Variants in ERAP1 observed in about 807,000 individuals in gnomAD.
The protein encoded by ERAP1 is endoplasmic reticulum aminopeptidase 1.
ERAP1 carries 86 observed loss-of-function variants against 103.7 expected under a neutral mutation model. The observed-to-expected ratio is 0.83, with a 90% CI of 0.70 to 0.99. ERAP1 has a LOEUF of 0.99. Among genes scored for constraint, ERAP1 ranks in the 50% least tolerant of loss-of-function variants. The probability of loss-of-function intolerance (pLI) is 0.00; values close to 1 mark genes in which losing one functional copy is unlikely to be tolerated. For missense variants in ERAP1, 1,009 were observed against 1,128.4 expected, an observed-to-expected ratio of 0.89 and a Z score of 1.52; for synonymous variants, 398 against 402.4, an observed-to-expected ratio of 0.99 and a Z score of 0.13.
chr5:96,851,807 A>G, the ERAP1 span, among the ~76,000 whole-genome samples: 2 of 152,174 alleles, frequency 1.3e-5, no homozygotes, highest in African/African-American at 2.4e-5. Context: ...GTATGCCGGC[A>G]CCAGAAGCAC....
At chr5:96,914,787 A>G in the ERAP1 span, among the ~76,000 whole-genome samples, 1 of 152,186 alleles carries the variant, frequency 6.6e-6, no homozygotes, top group Non-Finnish European at 1.5e-5. Flanking sequence ...CCCACTAAAC[A>G]CAATGTTTAA....
chr5:96,788,491 T>A, intron 11 of ERAP1, 40 bp downstream of exon 11: 1 of 1,611,414 alleles, frequency 6.2e-7, no homozygotes, highest in Non-Finnish European at 8.5e-7. Context: ...AGGCAGATGT[T>A]ACCTAGACAA....
At chr5:96,806,732 T>C (rs1042286467) in intron 1 of ERAP1, among the ~76,000 whole-genome samples, 8 of 151,424 alleles carry the variant, frequency 5.3e-5, no homozygotes, top group Non-Finnish European at 1.0e-4. Flanking sequence ...CTTCCTTTTA[T>C]TGGGGCACTA....
the ERAP1 span, among the ~76,000 whole-genome samples, chr5:96,872,517 T>G: frequency 6.6e-6 from 1 of 152,282 alleles, no homozygotes; most frequent in South Asian, 2.1e-4. Flanking sequence ...GAGAATCGCT[T>G]GAGCCCAGGA....
chr5:96,864,977 A>C, the ERAP1 span, among the ~76,000 whole-genome samples: 1 of 152,186 alleles, frequency 6.6e-6, no homozygotes, highest in Non-Finnish European at 1.5e-5. Flanking sequence ...AGAGAGCTAA[A>C]AACTTCAAAA....
At chr5:96,935,817 C>T in the ERAP1 span, 3 of 329,502 alleles carry the variant, frequency 9.1e-6, no homozygotes, top group East Asian at 5.8e-5. Context: ...AGTGACTGAA[C>T]ACCGTTCCCG....
At chr5:96,933,566 T>C in the ERAP1 span, among the ~76,000 whole-genome samples, 1 of 152,214 alleles carries the variant, frequency 6.6e-6, no homozygotes, top group Non-Finnish European at 1.5e-5. Context: ...CTAGTGCATT[T>C]TTTTTTATCA....
the ERAP1 span, chr5:96,822,859 C>T: frequency 3.4e-6 from 1 of 296,994 alleles, no homozygotes; most frequent in Non-Finnish European, 6.7e-6. Flanking sequence ...GCCTTGAGTC[C>T]AGGCACAGTT....
intron 5 of ERAP1, 98 bp downstream of exon 5, chr5:96,794,944 G>T: frequency 6.9e-7 from 1 of 1,446,884 alleles, no homozygotes; most frequent in Non-Finnish European, 9.4e-7. Context: ...GTGGCTTGAG[G>T]GGCTGCTGAG....
chr5:96,876,677 AT>A, the ERAP1 span: 1 of 152,476 alleles, frequency 6.6e-6, no homozygotes, highest in Non-Finnish European at 1.5e-5. Context: ...GCGCGGCTGT[AT>A]TAGAAAGTGT....
the ERAP1 span, among the ~76,000 whole-genome samples, chr5:96,902,111 A>G: frequency 6.6e-6 from 1 of 152,204 alleles, no homozygotes; most frequent in African/African-American, 2.4e-5. Context: ...TTGCATACTT[A>G]AGGATATGCT....
exon 20 of ERAP1, chr5:96,761,877 T>C (rs1476716547): frequency 5.7e-5 from 9 of 156,966 alleles, no homozygotes; most frequent in Non-Finnish European, 8.5e-5. Context: ...TATGAATTCC[T>C]AGCAACATTT....
intron 13 of ERAP1, 25 bp downstream of exon 13, chr5:96,785,763 C>G (rs762096077): frequency 1.2e-6 from 2 of 1,612,610 alleles, no homozygotes; most frequent in South Asian, 1.1e-5. Context: ...AGAAATAAAC[C>G]GCGACTTTGT....
Position 96,788,552 on chromosome 5 carries a change from G to C in ERAP1, c.1658C>G (p.Ser553Cys), listed in dbSNP as rs1271887817. 1 of 1,614,202 alleles carries C rather than the reference G, an allele frequency of 6.2e-7. No homozygotes were observed. The highest frequency in any genetic ancestry group is 1.7e-5 in the Admixed American group (1 of 60,024). Residue 553 changes from serine (S) to cysteine (C), a missense_variant, in exon 11 of 19, where the codon TCT becomes TGT. By Grantham distance (112) the Ser-to-Cys change is moderately radical. This residue lies in a region of ERAP1 where 611 missense variants were observed against 651.7 expected (regional missense o/e 0.94). Coordinates refer to ENST00000443439, the MANE Select transcript of ERAP1 (RefSeq NM_001040458.3). ...HMKQEHYMKG[S>C]DGAPDTGYLW... The stretch of plus-strand genomic sequence containing the variant: ...TTACCCAGTGTCCGGGGCGCCGTCA[G>C]AGCCCTTCATGTAGTGCTCTTGCTT...
At chr5:96,901,397 T>C in the ERAP1 span, 3 of 1,232,738 alleles carry the variant, frequency 2.4e-6, no homozygotes, top group Non-Finnish European at 3.4e-6. Context: ...GTCCGAGTCT[T>C]CTGTTCCCCA....
the ERAP1 span, among the ~76,000 whole-genome samples, chr5:96,917,182 T>C: frequency 1.3e-5 from 2 of 152,124 alleles, no homozygotes; most frequent in Non-Finnish European, 2.9e-5. Flanking sequence ...TCTTGGCTCA[T>C]TGTAACCTCC....
chr5:96,929,881 T>G, the ERAP1 span, among the ~76,000 whole-genome samples: 1 of 152,236 alleles, frequency 6.6e-6, no homozygotes, highest in Non-Finnish European at 1.5e-5. Flanking sequence ...CTTAGGGCAC[T>G]TATTTATTAA....
At chr5:96,896,480 G>A in the ERAP1 span, 1 of 1,613,350 alleles carries the variant, frequency 6.2e-7, no homozygotes, top group Admixed American at 1.7e-5. Flanking sequence ...TACAGGAAAT[G>A]TTTGATGAAG....
chr5:96,914,924 T>C, the ERAP1 span, among the ~76,000 whole-genome samples: 1 of 136,222 alleles, frequency 7.3e-6, no homozygotes, highest in Admixed American at 7.8e-5. Flanking sequence ...TGATATATAG[T>C]ATAAAAAGTT....
Sources: allele counts gnomAD v4.1 joint callset (sites outside exome capture counted in the v4.1 genomes callset), GRCh38; gene constraint gnomAD v4.1.1; regional missense constraint gnomAD v4.1.1; transcripts MANE v1.5; gene names NCBI Gene and HGNC (gene_info 2026-07-23, HGNC 2026-07-21).